Variants in RHBDL2 observed in about 807,000 individuals in gnomAD.
RHBDL2 encodes rhomboid like 2.
RHBDL2 carries 26 observed loss-of-function variants against 31.7 expected under a neutral mutation model. The ratio of observed to expected loss-of-function variants is 0.82; its 90% CI spans 0.60 to 1.14. The LOEUF (loss-of-function observed/expected upper bound fraction) is 1.14. RHBDL2 is among the 50% of genes most tolerant of loss of function. The pLI, the probability that RHBDL2 is intolerant of heterozygous loss-of-function variation, is 0.00. For missense variants in RHBDL2, 336 were observed against 364.4 expected (o/e 0.92, Z 0.63); for synonymous variants, 123 against 127.2 (o/e 0.97, Z 0.22).
intron 4 of RHBDL2, among the ~76,000 whole-genome samples, chr1:38,896,764 A>G (rs573030273): frequency 2.2e-4 from 33 of 152,298 alleles, no homozygotes; most frequent in Admixed American, 2.1e-3. Context: ...GGACCAAAAC[A>G]AGGCTTTGCA....
At chr1:38,929,319 T>A (rs912407308) in intron 1 of RHBDL2, 2 of 1,074,076 alleles carry the variant, frequency 1.9e-6, no homozygotes, top group Non-Finnish European at 2.5e-6. Flanking sequence ...CGACGAGGAC[T>A]CTAGGTGGAC....
chr1:38,896,782 T>G (rs1642923754), intron 4 of RHBDL2, among the ~76,000 whole-genome samples: 1 of 152,192 alleles, frequency 6.6e-6, no homozygotes, highest in African/African-American at 2.4e-5. Context: ...GCAAACCACC[T>G]TATGCAAAGA....
At chr1:38,934,658 C>CAAAAA (rs369758227) in intron 1 of RHBDL2, among the ~76,000 whole-genome samples, 2 of 123,822 alleles carry the variant, frequency 1.6e-5, no homozygotes, top group Admixed American at 8.8e-5. Context: ...AAGACTGTCT[C>CAAAAA]AAAAAAAAAA....
chr1:38,930,100 C>T (rs1472411833), intron 1 of RHBDL2, among the ~76,000 whole-genome samples: 3 of 152,170 alleles, frequency 2.0e-5, no homozygotes, highest in Non-Finnish European at 2.9e-5. Flanking sequence ...CCATGGTCCA[C>T]TCTGCGTCAA....
At chr1:38,916,665 T>C (rs1279184834) in intron 2 of RHBDL2, among the ~76,000 whole-genome samples, 1 of 151,148 alleles carries the variant, frequency 6.6e-6, no homozygotes, top group Non-Finnish European at 1.5e-5. Flanking sequence ...CTGGCCAACA[T>C]GGCGAAACCA....
At chr1:38,896,518 C>T (rs764393586) in intron 4 of RHBDL2, among the ~76,000 whole-genome samples, 1 of 152,064 alleles carries the variant, frequency 6.6e-6, no homozygotes, top group East Asian at 1.9e-4. Flanking sequence ...AAAGTAATTG[C>T]GGTTTTGCCA....
At chr1:38,941,394 G>C (rs1473601354) in intron 1 of RHBDL2, among the ~76,000 whole-genome samples, 1 of 152,102 alleles carries the variant, frequency 6.6e-6, no homozygotes, top group Non-Finnish European at 1.5e-5. Context: ...GAAGGGCAGG[G>C]AAGAGGAATG....
At chr1:38,903,455 TA>T (rs1171613821) in intron 4 of RHBDL2, among the ~76,000 whole-genome samples, 1 of 152,130 alleles carries the variant, frequency 6.6e-6, no homozygotes, top group Non-Finnish European at 1.5e-5. Flanking sequence ...ATAGAAATTT[TA>T]AAAACATTAC....
At chr1:38,903,144 AT>A (rs550835658) in intron 4 of RHBDL2, among the ~76,000 whole-genome samples, 90 of 147,332 alleles carry the variant, frequency 6.1e-4, no homozygotes, top group Admixed American at 7.5e-4. Context: ...GAGAAATATA[AT>A]TTTTTTTTTT....
At chr1:38,889,995 A>G (rs1023194252) in intron 6 of RHBDL2, among the ~76,000 whole-genome samples, 2 of 151,992 alleles carry the variant, frequency 1.3e-5, no homozygotes, top group East Asian at 3.9e-4. Context: ...GTTGTAAATG[A>G]CTATTACACA....
At chr1:38,938,001 G>A (rs1365337002) in intron 1 of RHBDL2, among the ~76,000 whole-genome samples, 1 of 151,158 alleles carries the variant, frequency 6.6e-6, no homozygotes, top group East Asian at 1.9e-4. Context: ...TGCAAATCAG[G>A]TAGTGTCATT....
At position 38,896,072 on chromosome 1, in the gene RHBDL2, A is replaced by G; in HGVS notation, c.509-3T>C. 7 of 1,600,698 alleles carry G rather than the reference A, an allele frequency of 4.4e-6. No individual in the cohort carries two copies. Among genetic ancestry groups the G allele is most frequent in the Non-Finnish European group, 6.0e-6 (7 of 1,168,114 alleles). On this transcript the variant is annotated splice_region_variant and splice_polypyrimidine_tract_variant and intron_variant, in intron 4 of 7. Transcript: ENST00000372990. ...AAAGATGGAGCTGGCAAGGGACCCT[A>G]AAGAAATAAAACACAAAGGATCAGA...
chr1:38,913,046 G>C (rs1180560797), intron 3 of RHBDL2, among the ~76,000 whole-genome samples: 1 of 148,706 alleles, frequency 6.7e-6, no homozygotes, highest in Non-Finnish European at 1.5e-5. Context: ...GCGGTGGCGC[G>C]ATCTCGGCTC....
intron 6 of RHBDL2, among the ~76,000 whole-genome samples, chr1:38,889,428 T>C (rs1422432161): frequency 6.6e-6 from 1 of 152,068 alleles, no homozygotes; most frequent in Non-Finnish European, 1.5e-5. Flanking sequence ...CTAGCTGCCA[T>C]ATAGGAAGTA....
intron 1 of RHBDL2, among the ~76,000 whole-genome samples, chr1:38,939,136 G>A (rs756870109): frequency 1.3e-5 from 2 of 152,202 alleles, no homozygotes; most frequent in Non-Finnish European, 2.9e-5. Context: ...ATGAGTTAAC[G>A]AATCAGGGAA....
chr1:38,903,631 T>C (rs1643023851), intron 4 of RHBDL2, among the ~76,000 whole-genome samples: 1 of 152,214 alleles, frequency 6.6e-6, no homozygotes, highest in African/African-American at 2.4e-5. Flanking sequence ...GACTCAATAT[T>C]GTTAAAATGT....
intron 4 of RHBDL2, among the ~76,000 whole-genome samples, chr1:38,896,690 T>C (rs2124307246): frequency 1.3e-5 from 2 of 152,278 alleles, no homozygotes; most frequent in Middle Eastern, 6.8e-3. Flanking sequence ...CTTCTCAACA[T>C]ACGATCCAAT....
intron 1 of RHBDL2, 182 bp from the exon 2 acceptor site, chr1:38,919,519 G>T: frequency 3.2e-6 from 1 of 311,832 alleles, no homozygotes; most frequent in Non-Finnish European, 5.5e-6. Context: ...AATTCTCCAA[G>T]CCTCAAATTA....
intron 6 of RHBDL2, among the ~76,000 whole-genome samples, chr1:38,888,431 A>G (rs1642813641): frequency 1.3e-5 from 2 of 152,170 alleles, no homozygotes; most frequent in Non-Finnish European, 2.9e-5. Context: ...TGCTATGGAG[A>G]AAATACAAAG....
Sources: gnomAD v4.1 joint callset for allele counts (sites outside exome capture counted in the v4.1 genomes callset) on GRCh38, gnomAD v4.1.1 for gene constraint, MANE v1.5 for transcripts, NCBI Gene and HGNC (gene_info 2026-07-23, HGNC 2026-07-21) for gene names.